Variants in TRPV1 observed in about 807,000 individuals in gnomAD.
TRPV1 encodes transient receptor potential cation channel subfamily V member 1.
A neutral mutation model predicts 82.3 loss-of-function variants in TRPV1; 82 were observed. That is an observed-to-expected ratio of 1.00 (90% CI 0.83 to 1.20). The LOEUF (loss-of-function observed/expected upper bound fraction) is 1.20. TRPV1 is among the 50% of genes most tolerant of loss of function. The pLI is 0.00. For missense variants in TRPV1, 1,067 were observed against 1,096.8 expected, an observed-to-expected ratio of 0.97 and a Z score of 0.38; for synonymous variants, 515 against 467.7, an observed-to-expected ratio of 1.10 and a Z score of -1.30.
chr17:3,579,481 A>G (rs2074976956), intron 11 of TRPV1, among the ~76,000 whole-genome samples: 1 of 151,876 alleles, frequency 6.6e-6, no homozygotes, highest in African/African-American at 2.4e-5. Flanking sequence ...ACAATGTTCT[A>G]TTTATTTATT....
Position 3,573,642 on chromosome 17 carries a change from C to T in TRPV1, c.2094G>A (p.Trp698Ter), listed in dbSNP as rs200725051. Reference sequence around the variant, plus strand: ...AACTCCACCCACCCACCTGCAGCTTCCAGATGTTCTTGCTCTCCTGTGCGA... The same window carrying T: ...AACTCCACCCACCCACCTGCAGCTTTCAGATGTTCTTGCTCTCCTGTGCGA... ...NKIAQESKNI[W>*]KLQRAITILD... The change falls in exon 14 of 17, where the codon TGG becomes TGA. Residue 698 changes from tryptophan (W) to a stop codon, truncating the protein, a stop_gained. Transcript: ENST00000572705. LOFTEE classifies it high-confidence loss of function. 77 of 1,612,134 alleles carry T rather than the reference C, an allele frequency of 4.8e-5. No homozygotes were observed. Among genetic ancestry groups the T allele is most frequent in the Non-Finnish European group, 5.1e-6 (6 of 1,179,578 alleles).
chr17:3,598,306 T>C (rs1206174087), intron 2 of TRPV1, among the ~76,000 whole-genome samples: 1 of 152,174 alleles, frequency 6.6e-6, no homozygotes, highest in Non-Finnish European at 1.5e-5. Flanking sequence ...AGTCAAGGCA[T>C]TGAAGTGTGG....
chr17:3,590,332 A>T lies in TRPV1; in HGVS notation c.665T>A (p.Val222Glu). The change falls in exon 6 of 17, where the codon GTG becomes GAG. Residue 222 changes from valine to glutamate, a missense_variant. Val to Glu is a moderately radical substitution (Grantham distance 121, BLOSUM62 -2). Transcript: ENST00000572705. ...AGCCTGGACGTCTGCTCCGTTCTCC[A>T]CCAGGAGGGTCACCAGGGCCATGTT... ...RRNMALVTLL[V>E]ENGADVQAAA... 6.2e-7 allele frequency: 1 copy of T among 1,613,598 alleles called. No individual in the cohort carries two copies. Among genetic ancestry groups the T allele is most frequent in the East Asian group, 2.2e-5 (1 of 44,874 alleles).
At chr17:3,600,067 A>G (rs1038216288) in intron 2 of TRPV1, among the ~76,000 whole-genome samples, 1 of 152,168 alleles carries the variant, frequency 6.6e-6, no homozygotes. Context: ...TAGGCGTGCA[A>G]ATATCTGGTC....
chr17:3,576,668 A>AAAAAAAAAAAAAAAAAATATATAT, intron 13 of TRPV1, among the ~76,000 whole-genome samples: 2 of 38,426 alleles, frequency 5.2e-5, no homozygotes, highest in Non-Finnish European at 1.1e-4. Context: ...AAAAAAAAAA[A>AAAAAAAAAAAAAAAAAATATATAT]ATATATATAT....
chr17:3,577,462 T>A, intron 12 of TRPV1, 136 bp downstream of exon 12: 1 of 1,222,614 alleles, frequency 8.2e-7, no homozygotes, highest in Non-Finnish European at 1.1e-6. Flanking sequence ...TGCTTGATTC[T>A]TGGAAAATAG....
chr17:3,579,592 C>T (rs1490948559), intron 11 of TRPV1, among the ~76,000 whole-genome samples: 1 of 152,214 alleles, frequency 6.6e-6, no homozygotes, highest in African/African-American at 2.4e-5. Flanking sequence ...TCTCCCACCT[C>T]AGCCTCCCGA....
chr17:3,567,036 A>G, intron 16 of TRPV1, 49 bp from the exon 17 acceptor site: 3 of 1,593,626 alleles, frequency 1.9e-6, no homozygotes, highest in Non-Finnish European at 2.6e-6. Flanking sequence ...ACAAACATTC[A>G]CTTCTTGGCC....
intron 5 of TRPV1, 145 bp downstream of exon 5, chr17:3,590,819 A>AC (rs2075147171): frequency 8.6e-7 from 1 of 1,156,464 alleles, no homozygotes; most frequent in Admixed American, 2.9e-5. Flanking sequence ...AGAGGCAGGG[A>AC]CCCCCTAGGA....
intron 12 of TRPV1, 117 bp downstream of exon 12, chr17:3,577,481 G>C (rs2277679): frequency 0.33 from 438,472 of 1,318,424 alleles, 74,068 homozygotes; most frequent in South Asian, 0.37. Context: ...AGGCTGGGGG[G>C]TAAACCAGCC....
chr17:3,568,185 A>G (rs552329874), intron 16 of TRPV1, among the ~76,000 whole-genome samples: 166 of 151,658 alleles, frequency 1.1e-3, no homozygotes, highest in East Asian at 4.7e-3. Flanking sequence ...AGCCGGGCGT[A>G]GTGGCGGGCG....
chr17:3,577,656 A>G lies in TRPV1; in HGVS notation c.1655T>C (p.Met552Thr). 1 of 1,586,898 alleles carries G rather than the reference A, an allele frequency of 6.3e-7. No homozygotes were observed. Among genetic ancestry groups the G allele is most frequent in the Non-Finnish European group, 8.6e-7 (1 of 1,167,002 alleles). The change falls in exon 12 of 17, where the codon ATG becomes ACG. Residue 552 changes from methionine (M) to threonine (T), a missense_variant. By Grantham distance (81) the Met-to-Thr change is moderately conservative. Coordinates refer to ENST00000572705, the MANE Select transcript of TRPV1 (RefSeq NM_080704.4). ...VFSLALGWTNMLYYTRGFQQM... is the reference protein window; with the variant it reads ...VFSLALGWTNTLYYTRGFQQM... ...CTGGAAACCGCGGGTGTAGTAGAGC[A>G]TGTTGGTCCAGCCCAAGGCCAGGGA...
At position 3,588,901 on chromosome 17, in the gene TRPV1, T is replaced by C. The variant is rs1432886272; in HGVS notation, c.1045-534A>G. ...GCACCATATCAGGCCCACAATCCCC[T>C]CACGGCGAGGCCCCAGCTCTACCAT... On this transcript the variant is annotated intron_variant, in intron 7 of 16. Coordinates refer to ENST00000572705, the MANE Select transcript of TRPV1 (RefSeq NM_080704.4). 1.1e-5 allele frequency: 17 copies of C among 1,531,554 alleles called. No homozygotes were observed. The East Asian group carries it at 3.9e-4, about 35-fold the overall frequency. The allele number at this position is 1,531,554 out of a possible 1,614,324, so 94.9% of individuals were successfully genotyped here. A position where few individuals can be genotyped will look rare whatever the true frequency, so the allele number is the denominator to read the frequency against.
chr17:3,574,917 C>CAAAAAAAAAA (rs55990804), intron 13 of TRPV1, among the ~76,000 whole-genome samples: 1 of 82,930 alleles, frequency 1.2e-5, no homozygotes, highest in African/African-American at 4.6e-5. Flanking sequence ...GACTCTATCT[C>CAAAAAAAAAA]AAAAAAAAAA....
At position 3,594,471 on chromosome 17, in the gene TRPV1, G is replaced by A. The variant is rs1356047690; in HGVS notation, c.-33-2088C>T. Among the ~76,000 whole-genome samples, 3 of 152,104 alleles carry A rather than the reference G, an allele frequency of 2.0e-5. No individual in the cohort carries two copies. In the East Asian group the frequency reaches 5.8e-4, roughly 29 times the overall value. On this transcript the variant is annotated intron_variant, in intron 2 of 16. Transcript: ENST00000572705. The stretch of plus-strand genomic sequence containing the variant: ...TGGGCCATGGCTGTAAACCAGCTAC[G>A]TTCTGAATCTCAGATCCATGAAAAC...
Position 3,591,046 on chromosome 17 carries a change from G to T in TRPV1, c.522C>A (p.Ile174=), listed in dbSNP as rs200030096. The change falls in exon 5 of 17, where the codon ATC becomes ATA. Residue 174 remains isoleucine, a synonymous_variant. Coordinates refer to ENST00000572705, the MANE Select transcript of TRPV1 (RefSeq NM_080704.4). ...GCCGCGCGATCTCCAGGAGCAGGGG[G>T]ATGGTGGTGTTCTGTCCGTCGTGCA... ...LNLHDGQNTT[I]PLLLEIARQT... 3 of 1,613,110 alleles carry T rather than the reference G, an allele frequency of 1.9e-6. No homozygotes were observed. The highest frequency in any genetic ancestry group is 1.3e-5 in the African/African-American group (1 of 75,050).
intron 2 of TRPV1, among the ~76,000 whole-genome samples, chr17:3,603,140 TA>T (rs57989945): frequency 1.2e-4 from 17 of 146,426 alleles, no homozygotes; most frequent in African/African-American, 2.5e-4. Context: ...AAATTAAAAT[TA>T]AAAAAAAAAA....
rs111798205 is a variant in TRPV1 at position 3,570,758 on chromosome 17, G to A, written c.2347+766C>T. 6.4e-3 allele frequency among the ~76,000 whole-genome samples: 972 copies of A among 152,112 alleles called. 11 individuals carry two copies. Among genetic ancestry groups the A allele is most frequent in the Non-Finnish European group, 0.01 (711 of 68,008 alleles). On this transcript the variant is annotated intron_variant, in intron 16 of 16. Coordinates refer to ENST00000572705, the MANE Select transcript of TRPV1 (RefSeq NM_080704.4). The stretch of plus-strand genomic sequence containing the variant: ...AGACAGAGTCTCGTTCTGTTGCCCC[G>A]GCTGGAGTGTAGTGGTGCGATCTCG...
Position 3,585,763 on chromosome 17 carries a change from C to A in TRPV1, c.1383+5G>T, listed in dbSNP as rs766428684. 5 of 1,611,936 alleles carry A rather than the reference C, an allele frequency of 3.1e-6. No homozygotes were observed. The African/African-American group carries it at 6.7e-5, about 22-fold the overall frequency. The stretch of plus-strand genomic sequence containing the variant: ...CGCCCACGAGGCCTGAGCCTCTGGC[C>A]GCACCAAGCCATCCACGGGCCTGTA... On this transcript the variant is annotated splice_donor_5th_base_variant and intron_variant, in intron 9 of 16. Transcript: ENST00000572705.
Sources: allele counts gnomAD v4.1 joint callset (sites outside exome capture counted in the v4.1 genomes callset), GRCh38; gene constraint gnomAD v4.1.1; transcripts MANE v1.5; gene names NCBI Gene and HGNC (gene_info 2026-07-23, HGNC 2026-07-21).